KDM2A: variants seen among roughly 807,000 people sequenced by gnomAD.
KDM2A encodes lysine-specific demethylase 2A.
KDM2A carries 3 observed loss-of-function variants against 137.3 expected under a neutral mutation model. The observed-to-expected ratio is 0.02, with a 90% CI of 0.01 to 0.06. The LOEUF (loss-of-function observed/expected upper bound fraction) is 0.06, where lower values mean the gene tolerates loss of function less well. KDM2A is among the 10% of genes least tolerant of loss of function. KDM2A has a pLI of 1.00. For synonymous variants in KDM2A, 512 were observed against 541.5 expected (o/e 0.95, Z 0.76); for missense variants, 738 against 1,510.6 (o/e 0.49, Z 8.48).
At chr11:67,135,693 C>G (rs1322711618) in intron 2 of KDM2A, among the ~76,000 whole-genome samples, 2 of 152,136 alleles carry the variant, frequency 1.3e-5, no homozygotes, top group Non-Finnish European at 2.9e-5. Flanking sequence ...ACTTCTTTGT[C>G]TCTTGTGTCT....
chr11:67,150,848 C>T (rs2136306287), intron 2 of KDM2A, among the ~76,000 whole-genome samples: 3 of 146,662 alleles, frequency 2.0e-5, no homozygotes, highest in East Asian at 4.1e-4. Flanking sequence ...TAATTCTAAA[C>T]ATTTTGGAGG....
chr11:67,216,099 T>G (rs956726801), intron 8 of KDM2A, 150 bp downstream of exon 8: 2 of 700,680 alleles, frequency 2.9e-6, no homozygotes, highest in African/African-American at 3.5e-5. Context: ...AAGTTCACCT[T>G]CTTGGCTAGT....
intron 17 of KDM2A, among the ~76,000 whole-genome samples, chr11:67,251,982 G>A (rs1009219020): frequency 6.6e-6 from 1 of 152,150 alleles, no homozygotes; most frequent in Admixed American, 6.5e-5. Flanking sequence ...CAACCAGGCT[G>A]GGGGGCAGGG....
At chr11:67,164,503 G>A (rs1329629027) in intron 2 of KDM2A, among the ~76,000 whole-genome samples, 5 of 151,868 alleles carry the variant, frequency 3.3e-5, no homozygotes, top group Middle Eastern at 3.4e-3. Context: ...TTTTTGTAGC[G>A]ATGGGACATT....
chr11:67,179,603 C>G (rs1434971928), intron 2 of KDM2A, among the ~76,000 whole-genome samples: 1 of 152,184 alleles, frequency 6.6e-6, no homozygotes, highest in Non-Finnish European at 1.5e-5. Flanking sequence ...TTTAGATTAA[C>G]TTTCTTCCTT....
At chr11:67,252,504 AGTT>A (rs1215001698) in intron 17 of KDM2A, 187 bp from the exon 18 acceptor site, 6 of 623,988 alleles carry the variant, frequency 9.6e-6, no homozygotes, top group African/African-American at 1.8e-5. Flanking sequence ...CAAAGCGTCT[AGTT>A]GTTGTAGAGT....
intron 2 of KDM2A, among the ~76,000 whole-genome samples, chr11:67,125,884 A>G (rs1260201407): frequency 1.2e-4 from 17 of 143,320 alleles, no homozygotes; most frequent in Non-Finnish European, 2.4e-4. Context: ...CAGAGGTTGC[A>G]GTGAGCTGAG....
chr11:67,240,939 G>A (rs918259603), intron 12 of KDM2A, among the ~76,000 whole-genome samples: 1 of 152,120 alleles, frequency 6.6e-6, no homozygotes, highest in Non-Finnish European at 1.5e-5. Flanking sequence ...CACACACACC[G>A]ACACAGTTTT....
At chr11:67,204,261 G>A (rs542517233) in intron 5 of KDM2A, among the ~76,000 whole-genome samples, 1 of 152,036 alleles carries the variant, frequency 6.6e-6, no homozygotes, top group East Asian at 1.9e-4. Context: ...GTGTCATCAA[G>A]TTTTTTCACA....
At chr11:67,150,948 A>G (rs952088315) in intron 2 of KDM2A, among the ~76,000 whole-genome samples, 4 of 152,172 alleles carry the variant, frequency 2.6e-5, no homozygotes, top group African/African-American at 7.2e-5. Flanking sequence ...CCAAAGGACA[A>G]TACTCCCATA....
chr11:67,232,160 AT>A (rs1409698356), intron 12 of KDM2A, among the ~76,000 whole-genome samples, 200 bp downstream of exon 12: 1 of 152,236 alleles, frequency 6.6e-6, no homozygotes, highest in African/African-American at 2.4e-5. Flanking sequence ...AAATACTAAC[AT>A]TTATGTGTTC....
In KDM2A at chr11:67,255,078, C is replaced by T. The variant is rs779619905; in HGVS notation, c.*23C>T. 1.0e-5 allele frequency: 16 copies of T among 1,594,638 alleles called. No individual in the cohort carries two copies. The East Asian group carries it at 2.3e-4, about 23-fold the overall frequency. ...TAAGACACACCCAGCCCAGATTCAA[C>T]AGGAAACCGATCTTCCCCTGACTCC... On this transcript the variant is annotated 3_prime_UTR_variant, in exon 21 of 21. Transcript: ENST00000529006.
intron 12 of KDM2A, among the ~76,000 whole-genome samples, chr11:67,241,519 G>A (rs189848554): frequency 3.9e-5 from 6 of 152,228 alleles, no homozygotes; most frequent in Admixed American, 3.9e-4. Context: ...CCTGGTCTCC[G>A]GGACAGAGCA....
chr11:67,149,943 A>G (rs1856347578), intron 2 of KDM2A, among the ~76,000 whole-genome samples: 1 of 151,958 alleles, frequency 6.6e-6, no homozygotes, highest in Non-Finnish European at 1.5e-5. Flanking sequence ...GCAGGTCTTG[A>G]ACTCCCGACC....
At chr11:67,144,147 G>A (rs1282849413) in intron 2 of KDM2A, among the ~76,000 whole-genome samples, 8 of 151,446 alleles carry the variant, frequency 5.3e-5, no homozygotes, top group Non-Finnish European at 1.0e-4. Context: ...GTTTTACCAT[G>A]TTGCCCAGGC....
chr11:67,244,228 G>A (rs970452952), intron 13 of KDM2A, among the ~76,000 whole-genome samples: 2 of 152,180 alleles, frequency 1.3e-5, no homozygotes, highest in African/African-American at 4.8e-5. Context: ...TTAAGATATG[G>A]TAAGAAATTA....
Position 67,227,573 on chromosome 11 carries a change from TTTG to T in KDM2A, c.958-452_958-450del, listed in dbSNP as rs987932663. ...AAATGGTCTTCCTCAAGTACCTTTT[TTTG>T]TTGTTGTTGTTCAGACGGAGTCTCA... On this transcript the variant is annotated intron_variant, in intron 10 of 20. Coordinates refer to ENST00000529006, the MANE Select transcript of KDM2A (RefSeq NM_012308.3). Among the ~76,000 whole-genome samples, 155 of 152,250 alleles carry T rather than the reference TTTG, an allele frequency of 1.0e-3. 1 individual carries two copies. The highest frequency in any genetic ancestry group is 3.6e-3 in the African/African-American group (149 of 41,546).
intron 11 of KDM2A, among the ~76,000 whole-genome samples, chr11:67,230,582 C>T (rs1375781472): frequency 2.4e-4 from 36 of 151,658 alleles, no homozygotes; most frequent in African/African-American, 2.4e-5. Context: ...GCCATGATTG[C>T]ATCACTGCAC....
chr11:67,209,397 A>G (rs952742468), intron 6 of KDM2A, among the ~76,000 whole-genome samples: 7 of 151,198 alleles, frequency 4.6e-5, no homozygotes, highest in Non-Finnish European at 8.9e-5. Flanking sequence ...TTATTTATTT[A>G]TAATTTTATT....
Sources: allele counts gnomAD v4.1 joint callset (sites outside exome capture counted in the v4.1 genomes callset), GRCh38; gene constraint gnomAD v4.1.1; transcripts MANE v1.5; gene names NCBI Gene and HGNC (gene_info 2026-07-23, HGNC 2026-07-21).